SORCS1: variants seen among roughly 807,000 people sequenced by gnomAD.
SORCS1 encodes sortilin related VPS10 domain containing receptor 1, also known as VPS10 domain-containing receptor SorCS1.
A neutral mutation model predicts 146.1 loss-of-function variants in SORCS1; 60 were observed. That is an observed-to-expected ratio of 0.41 (90% confidence interval 0.33 to 0.51). The LOEUF is 0.51. SORCS1 is among the 20% of genes least tolerant of loss of function. The pLI, the probability that SORCS1 is intolerant of heterozygous loss-of-function variation, is 0.21. For missense variants in SORCS1, 1,352 were observed against 1,487.6 expected (o/e 0.91, Z 1.50); for synonymous variants, 637 against 584.0 (o/e 1.09, Z -1.31).
intron 1 of SORCS1, among the ~76,000 whole-genome samples, chr10:107,109,660 T>G (rs1469986298): frequency 6.6e-6 from 1 of 152,218 alleles, no homozygotes; most frequent in Non-Finnish European, 1.5e-5. Context: ...ATATTAACAC[T>G]TGGCTCCCTT....
rs374003587 is a variant in SORCS1 at position 107,092,617 on chromosome 10, T to C, written c.558+71352A>G. 1.9e-4 allele frequency among the ~76,000 whole-genome samples: 29 copies of C among 152,266 alleles called. No individual in the cohort carries two copies. The East Asian group carries it at 5.6e-3, about 29-fold the overall frequency. On this transcript the variant is annotated intron_variant, in intron 1 of 25. Transcript: ENST00000263054. ...AGCTCCCATTCAGGAATCAAACACA[T>C]ACTACAGATTAGCAAAGAACAGGCT...
chr10:106,695,763 C>G (rs1176395299), intron 9 of SORCS1, among the ~76,000 whole-genome samples: 1 of 152,122 alleles, frequency 6.6e-6, no homozygotes, highest in Non-Finnish European at 1.5e-5. Context: ...GCCAACTTTC[C>G]TGGCTCTCAT....
chr10:106,742,605 C>G (rs920593852), intron 5 of SORCS1, among the ~76,000 whole-genome samples: 12 of 152,174 alleles, frequency 7.9e-5, no homozygotes, highest in African/African-American at 2.2e-4. Context: ...GTCTCAAACT[C>G]TTGACCTCAA....
chr10:107,043,144 T>C (rs1271248946), intron 1 of SORCS1, among the ~76,000 whole-genome samples: 3 of 152,196 alleles, frequency 2.0e-5, no homozygotes, highest in Non-Finnish European at 4.4e-5. Flanking sequence ...GACAAACCTT[T>C]TTAATCATAA....
At chr10:106,726,910 C>A (rs932291950) in intron 6 of SORCS1, among the ~76,000 whole-genome samples, 1 of 151,908 alleles carries the variant, frequency 6.6e-6, no homozygotes, top group African/African-American at 2.4e-5. Context: ...CACGGTGAAA[C>A]CCCGTCTCTA....
At chr10:106,601,384 T>G (rs189207122) in intron 23 of SORCS1, among the ~76,000 whole-genome samples, 1 of 152,240 alleles carries the variant, frequency 6.6e-6, no homozygotes, top group African/African-American at 2.4e-5. Context: ...AATCACGCCA[T>G]AGAAACAACA....
intron 2 of SORCS1, among the ~76,000 whole-genome samples, chr10:106,842,220 A>C (rs1949079762): frequency 6.6e-6 from 1 of 151,956 alleles, no homozygotes; most frequent in African/African-American, 2.4e-5. Context: ...TGTATATGTT[A>C]TTATTTTATT....
intron 1 of SORCS1, among the ~76,000 whole-genome samples, chr10:106,990,065 G>A (rs1956703017): frequency 6.6e-6 from 1 of 152,080 alleles, no homozygotes; most frequent in Admixed American, 6.6e-5. Context: ...GCAAAGAAGG[G>A]CCACCTTGGA....
chr10:106,962,387 T>A, intron 1 of SORCS1, among the ~76,000 whole-genome samples: 1 of 41,424 alleles, frequency 2.4e-5, no homozygotes, highest in South Asian at 8.9e-4. Flanking sequence ...AGAGCAAAAC[T>A]CCATCTCAAA....
At chr10:107,088,267 G>A (rs1963918468) in intron 1 of SORCS1, among the ~76,000 whole-genome samples, 1 of 152,060 alleles carries the variant, frequency 6.6e-6, no homozygotes, top group Non-Finnish European at 1.5e-5. Flanking sequence ...CAGTTACACT[G>A]GAAGTAGTTA....
chr10:107,005,334 GC>G (rs1374191758), intron 1 of SORCS1, among the ~76,000 whole-genome samples: 1 of 151,418 alleles, frequency 6.6e-6, no homozygotes, highest in Non-Finnish European at 1.5e-5. Context: ...TCTTTCGGGG[GC>G]GGGGGGTAGG....
At chr10:106,725,706 G>A (rs900265196) in intron 6 of SORCS1, among the ~76,000 whole-genome samples, 4 of 151,754 alleles carry the variant, frequency 2.6e-5, no homozygotes, top group Middle Eastern at 3.2e-3. Context: ...AGAGGCAGGC[G>A]GATCACTTGA....
chr10:106,999,392 G>A (rs1037123245), intron 1 of SORCS1, among the ~76,000 whole-genome samples: 1 of 152,158 alleles, frequency 6.6e-6, no homozygotes, highest in African/African-American at 2.4e-5. Flanking sequence ...TTTTGCATCT[G>A]CTGTGTCCTG....
chr10:106,667,889 A>G lies in SORCS1; in HGVS notation c.2190-87T>C, dbSNP rs542520074. 60 of 778,034 alleles carry G rather than the reference A, an allele frequency of 7.7e-5. No individual in the cohort carries two copies. In the African/African-American group the frequency reaches 9.6e-4, roughly 13 times the overall value. 48.2% of individuals were successfully genotyped at this position (778,034 alleles called of 1,614,324 possible). ...ACATCAGTCCACAGCCAAGTTCCAC[A>G]CTAATCAATTAGTCATAACAAACAA... is the stretch of plus-strand genomic sequence containing the variant. On this transcript the variant is annotated intron_variant, in intron 16 of 25. Transcript: ENST00000263054.
At position 106,776,527 on chromosome 10, in the gene SORCS1, T is replaced by A. The variant is rs1297795463; in HGVS notation, c.885+7A>T. On this transcript the variant is annotated splice_region_variant and intron_variant, in intron 4 of 25. Coordinates refer to ENST00000263054, the MANE Select transcript of SORCS1 (RefSeq NM_052918.5). ...TTCATTGTCTCAAACAAGGTAAGTA[T>A]GCTCACCTTTTGGTCTTGACTGTAT... The A allele has an allele frequency of 6.2e-7, 1 of 1,613,770 alleles. No individual in the cohort carries two copies. Among genetic ancestry groups the A allele is most frequent in the Non-Finnish European group, 8.5e-7 (1 of 1,179,814 alleles).
chr10:107,155,368 G>A (rs1485255696), intron 1 of SORCS1, among the ~76,000 whole-genome samples: 4 of 152,130 alleles, frequency 2.6e-5, no homozygotes, highest in African/African-American at 7.2e-5. Flanking sequence ...GAATCTCCTA[G>A]GGAGTTTGTA....
chr10:106,697,897 A>C (rs1853828774), intron 9 of SORCS1, among the ~76,000 whole-genome samples: 1 of 152,248 alleles, frequency 6.6e-6, no homozygotes, highest in African/African-American at 2.4e-5. Context: ...AAATCATCAC[A>C]ATATGTAAAT....
At chr10:106,888,899 G>A (rs934159314) in intron 2 of SORCS1, among the ~76,000 whole-genome samples, 1 of 152,158 alleles carries the variant, frequency 6.6e-6, no homozygotes, top group Non-Finnish European at 1.5e-5. Flanking sequence ...AGATGTGAAA[G>A]CATCTGTAAA....
chr10:107,025,849 G>A (rs897108197), intron 1 of SORCS1, among the ~76,000 whole-genome samples: 4 of 152,190 alleles, frequency 2.6e-5, no homozygotes, highest in African/African-American at 9.6e-5. Flanking sequence ...GTCAGCAAGC[G>A]TGAGAGCCCA....
Sources: gnomAD v4.1 joint callset for allele counts (sites outside exome capture counted in the v4.1 genomes callset) on GRCh38, gnomAD v4.1.1 for gene constraint, MANE v1.5 for transcripts, NCBI Gene and HGNC (gene_info 2026-07-23, HGNC 2026-07-21) for gene names.